TENM3: variants seen among roughly 807,000 people sequenced by gnomAD.
The protein encoded by TENM3 is teneurin transmembrane protein 3.
A neutral mutation model predicts 255.1 loss-of-function variants in TENM3; 63 were observed. That is an observed-to-expected ratio of 0.25 (90% CI 0.20 to 0.30). The LOEUF (loss-of-function observed/expected upper bound fraction) is 0.30. TENM3 is among the 10% of genes least tolerant of loss of function. The pLI, the probability that TENM3 is intolerant of heterozygous loss-of-function variation, is 1.00. For missense variants in TENM3, 2,929 were observed against 3,461.1 expected (o/e 0.85, Z 3.86); for synonymous variants, 1,306 against 1,322.3 (o/e 0.99, Z 0.27).
At chr4:181,764,542 G>A in the TENM3 span, among the ~76,000 whole-genome samples, 1 of 152,098 alleles carries the variant, frequency 6.6e-6, no homozygotes, top group South Asian at 2.1e-4. Context: ...TACTGTGGTT[G>A]GTAAATCCAC....
intron 1 of TENM3, among the ~76,000 whole-genome samples, chr4:182,213,407 A>G (rs538991946): frequency 7.2e-5 from 11 of 152,316 alleles, no homozygotes; most frequent in Non-Finnish European, 1.2e-4. Flanking sequence ...ACTGTTCAAG[A>G]TTTGGTTACA....
At chr4:182,683,096 G>C (rs1430285223) in intron 11 of TENM3, among the ~76,000 whole-genome samples, 1 of 152,124 alleles carries the variant, frequency 6.6e-6, no homozygotes, top group African/African-American at 2.4e-5. Flanking sequence ...AAGTACTTAA[G>C]AGCATGGACT....
the TENM3 span, among the ~76,000 whole-genome samples, chr4:182,028,527 T>G: frequency 6.6e-6 from 1 of 152,212 alleles, no homozygotes; most frequent in Non-Finnish European, 1.5e-5. Flanking sequence ...TTCATTAAGA[T>G]GCATCACTGG....
chr4:181,703,013 G>T, the TENM3 span, among the ~76,000 whole-genome samples: 2 of 152,124 alleles, frequency 1.3e-5, no homozygotes, highest in Non-Finnish European at 1.5e-5. Flanking sequence ...AATAGATAAG[G>T]TAGGCGAAAT....
chr4:182,246,265 A>G (rs2150091577), intron 1 of TENM3, among the ~76,000 whole-genome samples: 2 of 152,328 alleles, frequency 1.3e-5, no homozygotes, highest in Middle Eastern at 6.8e-3. Context: ...ATAGGGGAAG[A>G]AAGAATTTTT....
chr4:182,272,962 G>A (rs1232723552), intron 1 of TENM3, among the ~76,000 whole-genome samples: 1 of 152,140 alleles, frequency 6.6e-6, no homozygotes, highest in South Asian at 2.1e-4. Flanking sequence ...TTTAAACTGG[G>A]GAGTGACAAG....
upstream of TENM3, among the ~76,000 whole-genome samples, chr4:182,140,773 G>A (rs1274915901): frequency 6.6e-6 from 1 of 152,170 alleles, no homozygotes; most frequent in Non-Finnish European, 1.5e-5. Flanking sequence ...GGAGAAAACG[G>A]ACAGACCCCA....
intron 3 of TENM3, among the ~76,000 whole-genome samples, chr4:182,541,476 G>A (rs1439500479): frequency 6.6e-6 from 1 of 152,128 alleles, no homozygotes; most frequent in South Asian, 2.1e-4. Context: ...TTATAGGGTG[G>A]TGCAAACATT....
the TENM3 span, among the ~76,000 whole-genome samples, chr4:181,586,658 G>A: frequency 1.3e-5 from 2 of 152,200 alleles, no homozygotes; most frequent in South Asian, 2.1e-4. Context: ...TGGCCAACAC[G>A]ATGAAACCCT....
chr4:182,300,206 G>A (rs1010592894), intron 1 of TENM3, among the ~76,000 whole-genome samples: 14 of 151,732 alleles, frequency 9.2e-5, no homozygotes, highest in African/African-American at 1.2e-4. Context: ...GAGCCACCAC[G>A]CCCAGCTCAA....
At chr4:182,148,418 T>G (rs1750107091) in intron 1 of TENM3, among the ~76,000 whole-genome samples, 1 of 152,148 alleles carries the variant, frequency 6.6e-6, no homozygotes, top group African/African-American at 2.4e-5. Flanking sequence ...TTCTAAGAAT[T>G]ATATAAAACA....
At chr4:181,460,447 G>A in the TENM3 span, among the ~76,000 whole-genome samples, 1 of 151,722 alleles carries the variant, frequency 6.6e-6, no homozygotes, top group East Asian at 1.9e-4. Context: ...TGTATTATCT[G>A]ATGATCTCTG....
chr4:182,165,068 A>G (rs1417791742), intron 1 of TENM3, among the ~76,000 whole-genome samples: 31 of 152,184 alleles, frequency 2.0e-4, no homozygotes, highest in Admixed American at 1.8e-3. Context: ...GACATAGGAA[A>G]TAAGTTTTAA....
intron 1 of TENM3, among the ~76,000 whole-genome samples, chr4:182,296,044 T>G (rs1430226831): frequency 6.6e-6 from 1 of 152,110 alleles, no homozygotes; most frequent in Non-Finnish European, 1.5e-5. Flanking sequence ...CTCCACCTCC[T>G]GGGTTCAAGG....
chr4:181,652,056 C>CA, the TENM3 span, among the ~76,000 whole-genome samples: 2 of 150,956 alleles, frequency 1.3e-5, no homozygotes, highest in African/African-American at 2.4e-5. Flanking sequence ...CATTATTTAG[C>CA]ATGCATTTCG....
intron 13 of TENM3, among the ~76,000 whole-genome samples, chr4:182,716,944 G>A (rs1169062616): frequency 6.6e-6 from 1 of 152,130 alleles, no homozygotes; most frequent in Non-Finnish European, 1.5e-5. Context: ...GCCCAATGTG[G>A]CCCTAGTCAG....
At chr4:181,867,732 T>G in the TENM3 span, among the ~76,000 whole-genome samples, 1 of 152,196 alleles carries the variant, frequency 6.6e-6, no homozygotes. Context: ...GCAATTTTTC[T>G]ATTTGTTCTG....
chr4:182,789,005 A>C lies in TENM3; in HGVS notation c.5305-88A>C, dbSNP rs568342812. On this transcript the variant is annotated intron_variant, in intron 24 of 27. Transcript: ENST00000511685. This position sits in a 1 kb window ranked among gnomAD's most constrained non-coding sequence, Gnocchi z 4.4. ...GTTAATTTACTGACAAAGAGAATCA[A>C]TCATCGTAAATGGTGTTTAAACAAT... The C allele has an allele frequency of 8.5e-7, 1 of 1,173,796 alleles. No homozygotes were observed. Among genetic ancestry groups the C allele is most frequent in the Non-Finnish European group, 1.2e-6 (1 of 853,208 alleles). The allele number at this position is 1,173,796 out of a possible 1,614,324, so 72.7% of individuals were successfully genotyped here.
chr4:182,574,447 C>G (rs1050355919), intron 3 of TENM3, among the ~76,000 whole-genome samples: 3 of 152,104 alleles, frequency 2.0e-5, no homozygotes. Context: ...ATTTATGAAA[C>G]TTTTCCTTTA....
Sources: allele counts gnomAD v4.1 joint callset (sites outside exome capture counted in the v4.1 genomes callset), GRCh38; gene constraint gnomAD v4.1.1; non-coding constraint Gnocchi (gnomAD v3.1); transcripts MANE v1.5; gene names NCBI Gene and HGNC (gene_info 2026-07-23, HGNC 2026-07-21).